The following SRRM2 variants were observed in gnomAD, a reference collection of about 807,000 sequenced individuals.
SRRM2 encodes the protein serine/arginine repetitive matrix protein 2.
SRRM2 carries 30 observed loss-of-function variants against 213.8 expected under a neutral mutation model. The ratio of observed to expected loss-of-function variants is 0.14; its 90% CI spans 0.10 to 0.19. The LOEUF is 0.19. Among genes scored for constraint, SRRM2 ranks in the 10% least tolerant of loss-of-function variants. The pLI is 1.00. For synonymous variants in SRRM2, 2,025 were observed against 1,377.7 expected (o/e 1.47, Z -10.40); for missense variants, 4,904 against 3,647.0 (o/e 1.34, Z -8.88).
At position 2,764,631 on chromosome 16, in the gene SRRM2, C is replaced by T. The variant is rs755369199; in HGVS notation, c.4103C>T (p.Ser1368Phe). 5.0e-6 allele frequency: 8 copies of T among 1,614,200 alleles called. No homozygotes were observed. The highest frequency in any genetic ancestry group is 6.8e-6 in the Non-Finnish European group (8 of 1,180,044). Residue 1368 changes from serine (S) to phenylalanine (F), a missense_variant, in exon 11 of 15, where the codon TCT becomes TTT. Ser to Phe is a radical substitution (Grantham distance 155). Transcript: ENST00000301740. ...CTTAATCAGCTGGAAACAGATCCAT[C>T]TCTAGACATGAAAGAACAATCGACA... is the stretch of plus-strand genomic sequence containing the variant. ...PFLNQLETDP[S>F]LDMKEQSTRS...
chr16:2,760,690 CT>C, intron 10 of SRRM2, 191 bp downstream of exon 10: 1 of 617,206 alleles, frequency 1.6e-6, no homozygotes, highest in Non-Finnish European at 2.8e-6. Context: ...ATTGTGAACC[CT>C]TTAGAATCAA....
At position 2,765,364 on chromosome 16, in the gene SRRM2, C is replaced by G; in HGVS notation, c.4836C>G (p.Pro1612=). ...TGAAAGATAAGCCAAGAGCAGCACC[C>G]AGGGCACAGAGTGGTTCTGATTCCT... The part of the protein sequence containing the change: ...PEVKDKPRAA[P]RAQSGSDSSP... Residue 1612 remains proline, a synonymous_variant, in exon 11 of 15, where the codon CCC becomes CCG. Coordinates refer to ENST00000301740, the MANE Select transcript of SRRM2 (RefSeq NM_016333.4). 1 of 1,614,176 alleles carries G rather than the reference C, an allele frequency of 6.2e-7. No homozygotes were observed. The highest frequency in any genetic ancestry group is 8.5e-7 in the Non-Finnish European group (1 of 1,180,042).
chr16:2,771,369 C>CT lies in SRRM2; in HGVS notation c.*502_*503insT. The CT allele has an allele frequency of 1.3e-6, 2 of 1,598,440 alleles. No homozygotes were observed. Among genetic ancestry groups the CT allele is most frequent in the Non-Finnish European group, 1.7e-6 (2 of 1,166,650 alleles). Reference sequence around the variant, plus strand: ...TTTTGGTTTTTTAAAATCTGTACAGCAAGAGCAACTTTTTCTGTCAAATAA... The same window carrying CT: ...TTTTGGTTTTTTAAAATCTGTACAGCTAAGAGCAACTTTTTCTGTCAAATAA... On this transcript the variant is annotated 3_prime_UTR_variant, in exon 15 of 15. Coordinates refer to ENST00000301740, the MANE Select transcript of SRRM2 (RefSeq NM_016333.4).
rs372559298 is a variant in SRRM2 at position 2,757,837 on chromosome 16, G to T, written c.407G>T (p.Arg136Leu). 5.6e-6 allele frequency: 9 copies of T among 1,613,928 alleles called. No individual in the cohort carries two copies. Among genetic ancestry groups the T allele is most frequent in the Non-Finnish European group, 1.7e-6 (2 of 1,179,856 alleles). The change falls in exon 4 of 15, where the codon CGT (arginine) becomes CTT (leucine). Residue 136 changes from arginine to leucine, a missense_variant. Coordinates refer to ENST00000301740, the MANE Select transcript of SRRM2 (RefSeq NM_016333.4). ...ELNEKKNERL[R>L]AAFGISDSYV... ...AATGAGAAGAAGAATGAAAGACTCC[G>T]TGCTGCCTTTGGCATCAGTGATTCT...
At chr16:2,756,203 T>C in intron 1 of SRRM2, 131 bp from the exon 2 acceptor site, 3 of 905,544 alleles carry the variant, frequency 3.3e-6, no homozygotes, top group East Asian at 2.7e-5. Context: ...GGTGGAGCAT[T>C]ATACAGCGAA....
rs1473080273 is a variant in SRRM2, at chr16:2,764,954, G to T, written c.4426G>T (p.Gly1476Trp). The stretch of plus-strand genomic sequence containing the variant: ...AGATATACCTAGAACGCCATCTAGA[G>T]GGAGAAGCGAATGTGATTCTTCCCC... ...MKDIPRTPSR[G>W]RSECDSSPEP... is the part of the protein sequence containing the mutation. Residue 1476 changes from glycine to tryptophan, a missense_variant, in exon 11 of 15, where the codon GGG becomes TGG. Transcript: ENST00000301740. 6.2e-7 allele frequency: 1 copy of T among 1,614,152 alleles called. No homozygotes were observed. The highest frequency in any genetic ancestry group is 1.7e-5 in the Admixed American group (1 of 60,024).
At chr16:2,758,883 G>A in intron 5 of SRRM2, 102 bp from the exon 6 acceptor site, 1 of 1,286,546 alleles carries the variant, frequency 7.8e-7, no homozygotes, top group African/African-American at 1.5e-5. Flanking sequence ...GTGCTATTAG[G>A]ACATTCAAGT....
intron 11 of SRRM2, chr16:2,768,561 C>T (rs1356379443): frequency 6.2e-6 from 4 of 645,578 alleles, no homozygotes; most frequent in African/African-American, 1.8e-5. Flanking sequence ...GGCAGTTAGA[C>T]CTCAAGAGGA....
Position 2,760,327 on chromosome 16 carries a change from A to G in SRRM2, c.860A>G (p.His287Arg), listed in dbSNP as rs1215325383. Residue 287 changes from histidine (H) to arginine (R), a missense_variant, in exon 10 of 15, where the codon CAT becomes CGT. Physicochemically the swap from His to Arg is conservative, Grantham distance 29 (BLOSUM62 0). Coordinates refer to ENST00000301740, the MANE Select transcript of SRRM2 (RefSeq NM_016333.4). ...TCTCGAAGTGCTGCAGCTAAAACTC[A>G]TACAACTGCCTTGGCTGGGCGAAGT... The part of the protein sequence containing the change: ...SRSRSAAAKT[H>R]TTALAGRSPS... 1 of 1,613,900 alleles carries G rather than the reference A, an allele frequency of 6.2e-7. No individual in the cohort carries two copies.
Position 2,764,543 on chromosome 16 carries a change from C to G in SRRM2, c.4015C>G (p.Leu1339Val). The G allele has an allele frequency of 3.7e-6, 6 of 1,614,206 alleles. No individual in the cohort carries two copies. Among genetic ancestry groups the G allele is most frequent in the Non-Finnish European group, 5.1e-6 (6 of 1,180,044 alleles). Residue 1339 changes from leucine to valine, a missense_variant, in exon 11 of 15, where the codon CTT becomes GTT. Leu to Val is a conservative substitution (Grantham distance 32). Transcript: ENST00000301740. ...TTTAGAATTTAGAAACTCAGGCCCA[C>G]TTGGTACAGAAATGAATACTGGATT... ...SPLEFRNSGP[L>V]GTEMNTGFSS...
chr16:2,767,305 T>C lies in SRRM2; in HGVS notation c.6777T>C (p.Ser2259=). The C allele has an allele frequency of 6.2e-7, 1 of 1,613,960 alleles. No homozygotes were observed. The highest frequency in any genetic ancestry group is 8.5e-7 in the Non-Finnish European group (1 of 1,180,032). ...AIPTAVNLAD[S]RTPAAAAAMN... is the part of the protein sequence containing the mutation. ...CAACAGCAGTGAACCTGGCTGACTC[T>C]CGAACGCCAGCTGCAGCAGCGGCCA... The change falls in exon 11 of 15, where the codon TCT becomes TCC. Residue 2259 remains serine (S), a synonymous_variant. Coordinates refer to ENST00000301740, the MANE Select transcript of SRRM2 (RefSeq NM_016333.4).
Position 2,761,964 on chromosome 16 carries a change from G to A in SRRM2, c.1436G>A (p.Arg479His), listed in dbSNP as rs201493790. The A allele has an allele frequency of 1.5e-5, 24 of 1,613,994 alleles. No individual in the cohort carries two copies. The highest frequency in any genetic ancestry group is 6.6e-5 in the South Asian group (6 of 91,080). ...AAATCACATTCTCATACCCCCTCCC[G>A]TAGGATGGGGAGGTCCCGTAGCCCT... ...RDKSHSHTPSRRMGRSRSPAT... is the reference protein window; with the variant it reads ...RDKSHSHTPSHRMGRSRSPAT... The change falls in exon 11 of 15, where the codon CGT becomes CAT. Residue 479 changes from arginine (R) to histidine (H), a missense_variant. Transcript: ENST00000301740.
In SRRM2 at chr16:2,770,960, G is replaced by C; in HGVS notation, c.*93G>C. 1 of 1,540,854 alleles carries C rather than the reference G, an allele frequency of 6.5e-7. No individual in the cohort carries two copies. Among genetic ancestry groups the C allele is most frequent in the Non-Finnish European group, 8.9e-7 (1 of 1,124,006 alleles). On this transcript the variant is annotated 3_prime_UTR_variant, in exon 15 of 15. Coordinates refer to ENST00000301740, the MANE Select transcript of SRRM2 (RefSeq NM_016333.4). ...CAGAGCCGTGGGAGGGTCCTTGTCT[G>C]CTCTCCTTTGAACCTTGGCAGCCCT... is the stretch of plus-strand genomic sequence containing the variant.
Position 2,768,065 on chromosome 16 carries a change from A to T in SRRM2, c.7537A>T (p.Thr2513Ser), listed in dbSNP as rs144257955. The change falls in exon 11 of 15, where the codon ACT becomes TCT. Residue 2513 changes from threonine to serine, a missense_variant. Transcript: ENST00000301740. Reference protein sequence around the residue: ...HSDVGEPPASTGAQQPSALAA... With the variant: ...HSDVGEPPASSGAQQPSALAA... ...TGATGTGGGGGAGCCACCTGCCTCT[A>T]CTGGGGCCCAGCAGCCTTCTGCATT... The T allele has an allele frequency of 3.7e-6, 6 of 1,614,040 alleles. No individual in the cohort carries two copies. Among genetic ancestry groups the T allele is most frequent in the Non-Finnish European group, 5.1e-6 (6 of 1,179,952 alleles).
rs2068649663 is a variant in SRRM2, at chr16:2,769,168, TTCTTCC to T, written c.7908_7913del (p.Ser2647_Ser2648del). 6.2e-7 allele frequency: 1 copy of T among 1,612,050 alleles called. No homozygotes were observed. The highest frequency in any genetic ancestry group is 8.5e-7 in the Non-Finnish European group (1 of 1,178,554). ...CTTCCTCCTCCTCTTCCTCTTCTTCTTCTTCCTCCTCATCTTCCTCCTCCTCGTCGT... is the reference window on the plus strand; with the variant it reads ...CTTCCTCCTCCTCTTCCTCTTCTTCTTCCTCATCTTCCTCCTCCTCGTCGT... On this transcript the variant is annotated inframe_deletion, in exon 12 of 15. Coordinates refer to ENST00000301740, the MANE Select transcript of SRRM2 (RefSeq NM_016333.4).
In SRRM2 at chr16:2,761,602, C is replaced by T; in HGVS notation, c.1074C>T (p.Ser358=). The change falls in exon 11 of 15, where the codon AGC becomes AGT. Residue 358 remains serine, a synonymous_variant. Transcript: ENST00000301740. ...TRPSPSPERS[S]TGPEPPAPTP... is the part of the protein sequence containing the mutation. Reference sequence around the variant, plus strand: ...CTAGCCCCTCTCCGGAAAGGAGCAGCACAGGCCCAGAACCACCTGCTCCCA... The same window carrying T: ...CTAGCCCCTCTCCGGAAAGGAGCAGTACAGGCCCAGAACCACCTGCTCCCA... 6.5e-7 allele frequency: 1 copy of T among 1,539,570 alleles called. No homozygotes were observed. The highest frequency in any genetic ancestry group is 8.7e-7 in the Non-Finnish European group (1 of 1,148,506).
Position 2,764,930 on chromosome 16 carries a change from G to C in SRRM2, c.4402G>C (p.Asp1468His). The C allele has an allele frequency of 6.2e-7, 1 of 1,614,146 alleles. No individual in the cohort carries two copies. Among genetic ancestry groups the C allele is most frequent in the Non-Finnish European group, 8.5e-7 (1 of 1,180,024 alleles). ...GTCTGGGTCCTCTCCTGGAATGAAA[G>C]ATATACCTAGAACGCCATCTAGAGG... ...SLSGSSPGMK[D>H]IPRTPSRGRS... Residue 1468 changes from aspartate to histidine, a missense_variant, in exon 11 of 15, where the codon GAT becomes CAT. By Grantham distance (81) the Asp-to-His change is moderately conservative. Transcript: ENST00000301740.
rs751031780 is a variant in SRRM2, at chr16:2,763,392, C to T, written c.2864C>T (p.Pro955Leu). 15 of 1,614,214 alleles carry T rather than the reference C, an allele frequency of 9.3e-6. No homozygotes were observed. Among genetic ancestry groups the T allele is most frequent in the Middle Eastern group, 1.6e-4 (1 of 6,062 alleles). ...TTPRRSRSVS[P>L]CSNVESRLLP... ...CCACGGCGAAGCAGATCAGTATCTC[C>T]CTGCTCCAATGTGGAATCCAGATTG... is the stretch of plus-strand genomic sequence containing the variant. The change falls in exon 11 of 15, where the codon CCC becomes CTC. Residue 955 changes from proline (P) to leucine (L), a missense_variant. By Grantham distance (98) the Pro-to-Leu change is moderately conservative. Transcript: ENST00000301740.
chr16:2,769,583 G>A (rs1428415053), intron 12 of SRRM2: 2 of 637,964 alleles, frequency 3.1e-6, no homozygotes, highest in Admixed American at 4.2e-5. Context: ...CTACTGCCAG[G>A]GCTCTGGTCT....
Sources: gnomAD v4.1 joint callset for allele counts on GRCh38, gnomAD v4.1.1 for gene constraint, MANE v1.5 for transcripts, NCBI Gene and HGNC (gene_info 2026-07-23, HGNC 2026-07-21) for gene names.